The following ESRRB variants were observed in gnomAD, a reference collection of about 807,000 sequenced individuals.
ESRRB encodes the protein estrogen related receptor beta.
ESRRB carries 16 observed loss-of-function variants against 46.0 expected under a neutral mutation model. The ratio of observed to expected loss-of-function variants is 0.35; its 90% CI spans 0.24 to 0.53. The LOEUF (loss-of-function observed/expected upper bound fraction) is 0.53. Among genes scored for constraint, ESRRB ranks in the 20% least tolerant of loss-of-function variants. The probability of loss-of-function intolerance (pLI) is 0.93; values close to 1 mark genes in which losing one functional copy is unlikely to be tolerated. For missense variants in ESRRB, 488 were observed against 607.4 expected (o/e 0.80, Z 2.07); for synonymous variants, 246 against 259.6 (o/e 0.95, Z 0.50).
chr14:76,328,963 G>A (rs1261323688), intron 1 of ESRRB, among the ~76,000 whole-genome samples: 1 of 152,146 alleles, frequency 6.6e-6, no homozygotes, highest in African/African-American at 2.4e-5. Flanking sequence ...TGCTCAATAC[G>A]GTTTTGTGGA....
intron 2 of ESRRB, among the ~76,000 whole-genome samples, chr14:76,462,333 T>C (rs1888901828): frequency 1.3e-5 from 2 of 152,218 alleles, no homozygotes; most frequent in Non-Finnish European, 2.9e-5. Context: ...TTTCCCCAAG[T>C]AGCTGCCTGG....
chr14:76,352,560 C>T (rs947466909), intron 1 of ESRRB, among the ~76,000 whole-genome samples: 3 of 152,178 alleles, frequency 2.0e-5, no homozygotes, highest in African/African-American at 7.2e-5. Flanking sequence ...GCCCTGGAGC[C>T]AGACCCTGGG....
At chr14:76,381,411 C>T (rs1885011630) in intron 1 of ESRRB, among the ~76,000 whole-genome samples, 1 of 152,066 alleles carries the variant, frequency 6.6e-6, no homozygotes, top group South Asian at 2.1e-4. Context: ...CAGACACCTT[C>T]CGTGGAGGGG....
chr14:76,468,272 A>G (rs141686877), intron 3 of ESRRB, among the ~76,000 whole-genome samples: 224 of 152,268 alleles, frequency 1.5e-3, no homozygotes, highest in African/African-American at 5.1e-3. Flanking sequence ...TCCAAAATAT[A>G]TTAGTGTTTT....
upstream of ESRRB, among the ~76,000 whole-genome samples, chr14:76,375,958 A>T (rs546252214): frequency 1.5e-5 from 2 of 132,976 alleles, no homozygotes; most frequent in East Asian, 4.7e-4. Flanking sequence ...CCTACTGCTC[A>T]GGAGGTGGGG....
At chr14:76,334,268 G>A (rs116420790) in intron 1 of ESRRB, among the ~76,000 whole-genome samples, 216 of 152,290 alleles carry the variant, frequency 1.4e-3, no homozygotes, top group African/African-American at 4.8e-3. Context: ...CAGCCTCCAA[G>A]ATCGCAGTTT....
intron 1 of ESRRB, among the ~76,000 whole-genome samples, chr14:76,419,487 T>G (rs1886849835): frequency 1.3e-5 from 2 of 152,162 alleles, no homozygotes; most frequent in East Asian, 1.9e-4. Flanking sequence ...CCGAGCCTCA[T>G]GAGGGTTAGC....
At chr14:76,319,665 C>A (rs1883844810) in intron 1 of ESRRB, among the ~76,000 whole-genome samples, 1 of 152,142 alleles carries the variant, frequency 6.6e-6, no homozygotes, top group South Asian at 2.1e-4. Flanking sequence ...CACTTTTAGC[C>A]CAGGGGAAAA....
upstream of ESRRB, among the ~76,000 whole-genome samples, chr14:76,369,688 C>A (rs1566862198): frequency 6.6e-6 from 1 of 152,048 alleles, no homozygotes; most frequent in African/African-American, 2.4e-5. Flanking sequence ...TAATTGGGTA[C>A]AATGAAGTTC....
Position 76,499,967 on chromosome 14 carries a change from C to T in ESRRB, c.*1509C>T. 6 of 1,606,824 alleles carry T rather than the reference C, an allele frequency of 3.7e-6. No homozygotes were observed. Among genetic ancestry groups the T allele is most frequent in the Non-Finnish European group, 5.1e-6 (6 of 1,176,540 alleles). ...CTGCCTTCACAAGCAGGGATCAGAG[C>T]AACTCCCCGGGGATCCCCAATCCAC... On this transcript the variant is annotated 3_prime_UTR_variant, in exon 7 of 7. Transcript: ENST00000644823.
At chr14:76,440,434 A>AAAT (rs1290239521) in intron 2 of ESRRB, among the ~76,000 whole-genome samples, 2 of 152,066 alleles carry the variant, frequency 1.3e-5, no homozygotes, top group African/African-American at 4.8e-5. Context: ...CCCTGTCTCA[A>AAAT]AATAATAATA....
In ESRRB at chr14:76,327,875, C is replaced by T. The variant is rs556640666; in HGVS notation, c.2+16959C>T. Among the ~76,000 whole-genome samples the T allele has an allele frequency of 1.8e-4, 28 of 151,516 alleles. No individual in the cohort carries two copies. The South Asian group carries it at 5.0e-3, about 27-fold the overall frequency. On this transcript the variant is annotated intron_variant, in intron 1 of 6. Transcript: ENST00000512784. ...CGTGCCACCACACCTGGCTAATTTTCGTAATTTTTTTTTTTTTAAGTAGAG... is the reference window on the plus strand; with the variant it reads ...CGTGCCACCACACCTGGCTAATTTTTGTAATTTTTTTTTTTTTAAGTAGAG...
intron 1 of ESRRB, among the ~76,000 whole-genome samples, chr14:76,319,070 C>T (rs61477872): frequency 0.01 from 1,573 of 152,306 alleles, 30 homozygotes; most frequent in African/African-American, 0.036. Context: ...TTTTTCCTCT[C>T]ATGGAAATCT....
intron 2 of ESRRB, among the ~76,000 whole-genome samples, chr14:76,443,576 A>G (rs1390641339): frequency 6.6e-6 from 1 of 152,196 alleles, no homozygotes; most frequent in East Asian, 1.9e-4. Context: ...GTTGTCTTGG[A>G]GAGGTTGCCA....
At chr14:76,337,485 C>T (rs1005850198) in intron 1 of ESRRB, among the ~76,000 whole-genome samples, 1 of 152,106 alleles carries the variant, frequency 6.6e-6, no homozygotes, top group African/African-American at 2.4e-5. Context: ...GACTTCCTCT[C>T]ACCTTGTATG....
In ESRRB at chr14:76,439,505, C is replaced by A; in HGVS notation, c.215C>A (p.Thr72Asn). The A allele has an allele frequency of 1.2e-6, 2 of 1,612,948 alleles. No homozygotes were observed. The highest frequency in any genetic ancestry group is 1.1e-5 in the South Asian group (1 of 91,070). Residue 72 changes from threonine to asparagine, a missense_variant, in exon 2 of 7, where the codon ACC becomes AAC. Thr to Asn is a moderately conservative substitution (Grantham distance 65). Coordinates refer to ENST00000644823, the MANE Select transcript of ESRRB (RefSeq NM_001379180.1). ...ASGGFGLALG[T>N]HANGLDSPPM... is the part of the protein sequence containing the mutation. ...GGCGGCTTTGGCCTGGCCCTGGGCA[C>A]CCACGCCAACGGTCTGGACTCGCCA...
chr14:76,431,946 T>C (rs77071686), intron 1 of ESRRB, among the ~76,000 whole-genome samples: 37,233 of 152,070 alleles, frequency 0.24, 4,665 homozygotes, highest in Admixed American at 0.29. Flanking sequence ...CTGTGAAATC[T>C]GAAGTGCCAG....
upstream of ESRRB, among the ~76,000 whole-genome samples, chr14:76,367,157 G>C (rs1884531544): frequency 6.6e-6 from 1 of 152,084 alleles, no homozygotes; most frequent in Admixed American, 6.6e-5. Context: ...GAGGGGAGAT[G>C]CCAGGCAGTG....
At chr14:76,495,830 A>G (rs1228125726) in intron 6 of ESRRB, among the ~76,000 whole-genome samples, 13 of 152,240 alleles carry the variant, frequency 8.5e-5, no homozygotes, top group African/African-American at 2.4e-5. Context: ...ACAGACATAA[A>G]TATAAATCAT....
Sources: gnomAD v4.1 joint callset for allele counts (sites outside exome capture counted in the v4.1 genomes callset) on GRCh38, gnomAD v4.1.1 for gene constraint, MANE v1.5 for transcripts, NCBI Gene and HGNC (gene_info 2026-07-23, HGNC 2026-07-21) for gene names.